AKR1C1: variants seen among roughly 807,000 people sequenced by gnomAD.
The protein encoded by AKR1C1 is 20 alpha-hydroxysteroid dehydrogenase.
In AKR1C1, 32 loss-of-function variants were observed where a neutral mutation model predicts 40.6. That is an observed-to-expected ratio of 0.79 (90% CI 0.60 to 1.06). The LOEUF (loss-of-function observed/expected upper bound fraction) is 1.06, where lower values mean the gene tolerates loss of function less well. Among genes scored for constraint, AKR1C1 ranks in the 50% least tolerant of loss-of-function variants. The probability of loss-of-function intolerance (pLI) is 0.00; values close to 1 mark genes in which losing one functional copy is unlikely to be tolerated. For synonymous variants in AKR1C1, 105 were observed against 134.2 expected (o/e 0.78, Z 1.50); for missense variants, 320 against 363.5 (o/e 0.88, Z 0.97).
Position 4,977,744 on chromosome 10 carries a change from A to G in AKR1C1, c.*2A>G. On this transcript the variant is annotated 3_prime_UTR_variant, in exon 9 of 9. Transcript: ENST00000380872. ...TATCCATTTTCTGATGAATATTAAC[A>G]TGGAGGGCATTGCATGAGGTCTGCC... 2 of 1,611,184 alleles carry G rather than the reference A, an allele frequency of 1.2e-6. No individual in the cohort carries two copies. The highest frequency in any genetic ancestry group is 2.2e-5 in the East Asian group (1 of 44,802).
chr10:4,973,614 G>T (rs1234865382), intron 7 of AKR1C1, among the ~76,000 whole-genome samples: 1 of 152,162 alleles, frequency 6.6e-6, no homozygotes, highest in Admixed American at 6.5e-5. Context: ...TACAGGACAG[G>T]TCAGACTCAA....
At chr10:4,972,454 T>G in intron 6 of AKR1C1, 130 bp from the exon 7 acceptor site, 3 of 1,426,844 alleles carry the variant, frequency 2.1e-6, no homozygotes, top group Non-Finnish European at 2.9e-6. Flanking sequence ...CAGGTGATGT[T>G]GAGGCTGCTG....
At chr10:4,970,243 C>A (rs1480767091) in intron 5 of AKR1C1, among the ~76,000 whole-genome samples, 1 of 152,130 alleles carries the variant, frequency 6.6e-6, no homozygotes, top group East Asian at 1.9e-4. Context: ...ATCTATAGTG[C>A]CCTCATGTCA....
At chr10:4,967,488 C>A (rs1449476863) in intron 3 of AKR1C1, 124 of 987,014 alleles carry the variant, frequency 1.3e-4, no homozygotes, top group Non-Finnish European at 1.5e-4. Flanking sequence ...AACTACAGAC[C>A]TTCATGGGAA....
At chr10:4,973,998 A>G (rs1263869551) in intron 7 of AKR1C1, among the ~76,000 whole-genome samples, 1 of 151,446 alleles carries the variant, frequency 6.6e-6, no homozygotes, top group Non-Finnish European at 1.5e-5. Flanking sequence ...TATTTGCTAA[A>G]ACATTAAGTA....
In AKR1C1 at chr10:4,965,972, A is replaced by C; in HGVS notation, c.143A>C (p.His48Pro). ...TTGGCAATTGAAGCTGGCTTCCGCC[A>C]TATTGATTCTGCTCATTTATACAAT... is the stretch of plus-strand genomic sequence containing the variant. ...TKLAIEAGFR[H>P]IDSAHLYNNE... is the part of the protein sequence containing the mutation. The change falls in exon 2 of 9, where the codon CAT becomes CCT. Residue 48 changes from histidine to proline, a missense_variant. Around this residue, in one of 3 missense-constraint regions of AKR1C1, gnomAD observed 214 missense variants for 214.8 expected, o/e 1.00. Transcript: ENST00000380872. 6.2e-7 allele frequency: 1 copy of C among 1,614,232 alleles called. No individual in the cohort carries two copies. The highest frequency in any genetic ancestry group is 2.2e-5 in the East Asian group (1 of 44,886).
At chr10:4,977,271 A>G (rs1478640190) in intron 8 of AKR1C1, among the ~76,000 whole-genome samples, 3 of 152,238 alleles carry the variant, frequency 2.0e-5, no homozygotes, top group African/African-American at 7.2e-5. Context: ...ATGTAAAGTA[A>G]TTAAGTATAA....
rs1338637474 is a variant in AKR1C1 at position 4,963,439 on chromosome 10, A to T, written c.-6A>T. The T allele has an allele frequency of 1.2e-6, 2 of 1,614,058 alleles. No homozygotes were observed. The highest frequency in any genetic ancestry group is 3.3e-5 in the Admixed American group (2 of 60,012). ...GAAACATTTGCCAGCCAGGCTAGTG[A>T]CAGAAATGGATTCGAAATATCAGTG... On this transcript the variant is annotated 5_prime_UTR_variant, in exon 1 of 9. Transcript: ENST00000380872.
At chr10:4,967,100 T>C (rs1294976968) in intron 3 of AKR1C1, 57 bp downstream of exon 3, 1 of 1,527,268 alleles carries the variant, frequency 6.5e-7, no homozygotes, top group South Asian at 1.1e-5. Flanking sequence ...TAAATATTGT[T>C]TTTATGGATA....
rs555115904 is a variant in AKR1C1, at chr10:4,976,917, C to A, written c.930-783C>A. 6.6e-5 allele frequency among the ~76,000 whole-genome samples: 10 copies of A among 152,226 alleles called. No individual in the cohort carries two copies. In the East Asian group the frequency reaches 1.9e-3, roughly 29 times the overall value. On this transcript the variant is annotated intron_variant, in intron 8 of 8. Coordinates refer to ENST00000380872, the MANE Select transcript of AKR1C1 (RefSeq NM_001353.6). Reference sequence around the variant, plus strand: ...ATGATAAAAAGAAAAGGAAAAGTGGCAAGCATTAGAAAGTTTTAAAACCAA... The same window carrying A: ...ATGATAAAAAGAAAAGGAAAAGTGGAAAGCATTAGAAAGTTTTAAAACCAA...
chr10:4,965,147 G>A (rs561722163), intron 1 of AKR1C1, among the ~76,000 whole-genome samples: 2 of 152,306 alleles, frequency 1.3e-5, no homozygotes, highest in South Asian at 2.1e-4. Context: ...ATATGATTCC[G>A]GGTAAAGTCA....
At chr10:4,969,161 T>C (rs891200576) in intron 5 of AKR1C1, among the ~76,000 whole-genome samples, 5 of 152,184 alleles carry the variant, frequency 3.3e-5, no homozygotes, top group Non-Finnish European at 7.4e-5. Flanking sequence ...TTGTGTGTTA[T>C]ATTTATGGGA....
rs1466158202 is a variant in AKR1C1, at chr10:4,982,886, A to C, written c.*5144A>C. On this transcript the variant is annotated 3_prime_UTR_variant, in exon 9 of 9. Transcript: ENST00000380872. ...TGTTACCACTGCGTACCACACCCTG[A>C]CCAGTCAGAGGTCTTGAGTCGGTCC... 4.6e-6 allele frequency: 2 copies of C among 434,402 alleles called. No homozygotes were observed. The highest frequency in any genetic ancestry group is 4.6e-6 in the Non-Finnish European group (1 of 216,486). 26.9% of individuals were successfully genotyped at this position (434,402 alleles called of 1,614,324 possible).
In AKR1C1 at chr10:4,971,337, A is replaced by G. The variant is rs201495614; in HGVS notation, c.571-864A>G. ...GGTGAACTTCTTCCTTCAATTAGCAATGTACTGTGAACGTAATTACTGTAA... is the reference window on the plus strand; with the variant it reads ...GGTGAACTTCTTCCTTCAATTAGCAGTGTACTGTGAACGTAATTACTGTAA... On this transcript the variant is annotated intron_variant, in intron 5 of 8. Coordinates refer to ENST00000380872, the MANE Select transcript of AKR1C1 (RefSeq NM_001353.6). Among the ~76,000 whole-genome samples, 3 of 151,986 alleles carry G rather than the reference A, an allele frequency of 2.0e-5. No individual in the cohort carries two copies. The East Asian group carries it at 5.8e-4, about 29-fold the overall frequency.
At chr10:4,976,635 A>G (rs371372335) in intron 8 of AKR1C1, among the ~76,000 whole-genome samples, 10 of 152,330 alleles carry the variant, frequency 6.6e-5, no homozygotes, top group East Asian at 5.8e-4. Context: ...ATTGTTGGAG[A>G]TAATTTATAA....
rs762719112 is a variant in AKR1C1, at chr10:4,968,953, C to A, written c.570+9C>A. ...AGCCTGTCTGCAACCAGGTGAGCAC[C>A]CTCAGCCTCCTCTCCTTTCTGTTCT... On this transcript the variant is annotated intron_variant, in intron 5 of 8. Coordinates refer to ENST00000380872, the MANE Select transcript of AKR1C1 (RefSeq NM_001353.6). 5.0e-6 allele frequency: 8 copies of A among 1,614,162 alleles called. 1 individual carries two copies. The South Asian group carries it at 8.8e-5, about 18-fold the overall frequency.
Position 4,968,153 on chromosome 10 carries a change from A to T in AKR1C1, c.370-156A>T. The stretch of plus-strand genomic sequence containing the variant: ...AGCCTGTCACCTGAAGACATTCCTT[A>T]TACCTTCATATGTAGTACACTCTGT... On this transcript the variant is annotated intron_variant, in intron 3 of 8. Coordinates refer to ENST00000380872, the MANE Select transcript of AKR1C1 (RefSeq NM_001353.6). 3 of 1,112,848 alleles carry T rather than the reference A, an allele frequency of 2.7e-6. No individual in the cohort carries two copies. The South Asian group carries it at 4.6e-5, about 17-fold the overall frequency. 68.9% of individuals were successfully genotyped at this position (1,112,848 alleles called of 1,614,324 possible).
intron 2 of AKR1C1, among the ~76,000 whole-genome samples, chr10:4,966,726 T>C (rs1707922945): frequency 6.6e-6 from 1 of 152,244 alleles, no homozygotes; most frequent in African/African-American, 2.4e-5. Flanking sequence ...TCATTCAATA[T>C]ATGTACTAAC....
At chr10:4,966,361 A>C (rs201649634) in intron 2 of AKR1C1, among the ~76,000 whole-genome samples, 2 of 152,178 alleles carry the variant, frequency 1.3e-5, no homozygotes, top group East Asian at 3.8e-4. Context: ...AAAAAATCCT[A>C]ATCATATTAT....
Sources: allele counts gnomAD v4.1 joint callset (sites outside exome capture counted in the v4.1 genomes callset), GRCh38; gene constraint gnomAD v4.1.1; regional missense constraint gnomAD v4.1.1; transcripts MANE v1.5; gene names NCBI Gene and HGNC (gene_info 2026-07-23, HGNC 2026-07-21).